The following CPSF1 variants were observed in gnomAD, a reference collection of about 807,000 sequenced individuals.
CPSF1 encodes the protein cleavage and polyadenylation specificity factor subunit 1.
CPSF1 carries 106 observed loss-of-function variants against 175.8 expected under a neutral mutation model. That is an observed-to-expected ratio of 0.60 (90% CI 0.52 to 0.71). The LOEUF (loss-of-function observed/expected upper bound fraction) is 0.71. Ranked by LOEUF, CPSF1 falls within the 30% of genes least tolerant of loss-of-function variation. The probability of loss-of-function intolerance (pLI) is 0.00; values close to 1 mark genes in which losing one functional copy is unlikely to be tolerated. For missense variants in CPSF1, 1,734 were observed against 2,022.9 expected, an observed-to-expected ratio of 0.86 and a Z score of 2.74; for synonymous variants, 1,024 against 858.3, an observed-to-expected ratio of 1.19 and a Z score of -3.37.
Position 144,399,998 on chromosome 8 carries a change from C to T in CPSF1, c.1025G>A (p.Gly342Asp). The T allele has an allele frequency of 6.2e-7, 1 of 1,612,040 alleles. No individual in the cohort carries two copies. Among genetic ancestry groups the T allele is most frequent in the Non-Finnish European group, 8.5e-7 (1 of 1,179,786 alleles). Residue 342 changes from glycine (G) to aspartate (D), a missense_variant, in exon 10 of 38, where the codon GGC (glycine) becomes GAC (aspartate). By Grantham distance (94) the Gly-to-Asp change is moderately conservative. Coordinates refer to ENST00000616140, the MANE Select transcript of CPSF1 (RefSeq NM_013291.3). The surrounding 1 kb of genome is among the most constrained non-coding windows in gnomAD (Gnocchi z 6.4). ...GGGCGGGGGAGGGGCTCACATCTCG[C>T]CGCCCTTGAGGGAGATGACCATCTT... ...YDKMVISLKGGEIYVLTLITD... is the reference protein window; with the variant it reads ...YDKMVISLKGDEIYVLTLITD...
chr8:144,400,582 T>C (rs1821140603), intron 7 of CPSF1, 89 bp from the exon 8 acceptor site: 2 of 1,604,082 alleles, frequency 1.2e-6, no homozygotes, highest in Non-Finnish European at 1.7e-6. Flanking sequence ...CCACACCCCA[T>C]AGGCCCCGCC....
rs782717952 is a variant in CPSF1, at chr8:144,395,050, C to G, written c.3273-27G>C. The G allele has an allele frequency of 1.9e-6, 3 of 1,603,660 alleles. No homozygotes were observed. The African/African-American group carries it at 4.0e-5, about 21-fold the overall frequency. ...TGTGGGGGCCAGGGGCCTCAGGATG[C>G]TGCCTGGAGGCCTTGGGCAGACCCC... On this transcript the variant is annotated intron_variant, in intron 29 of 37. Transcript: ENST00000616140.
chr8:144,395,885 C>G (rs1290070862), intron 26 of CPSF1: 3 of 468,330 alleles, frequency 6.4e-6, no homozygotes, highest in Non-Finnish European at 1.2e-5. Flanking sequence ...GGGCTGCCCT[C>G]TTTCATGGAC....
rs2116874977 is a variant in CPSF1, at chr8:144,400,406, G to T, written c.774C>A (p.Leu258=). 1.9e-6 allele frequency: 3 copies of T among 1,613,858 alleles called. No homozygotes were observed. The highest frequency in any genetic ancestry group is 2.5e-6 in the Non-Finnish European group (3 of 1,179,978). ...TQKVHPVIWS[L]TSLPFDCTQA... ...GGGTGCAGTCAAAGGGCAGGCTGGT[G>T]AGGGACCAGATGACGGGGTGCACCT... The change falls in exon 8 of 38, where the codon CTC becomes CTA. Residue 258 remains leucine, a synonymous_variant. Transcript: ENST00000616140.
At chr8:144,404,704 T>C (rs1554868503) in intron 2 of CPSF1, among the ~76,000 whole-genome samples, 1 of 150,998 alleles carries the variant, frequency 6.6e-6, no homozygotes, top group African/African-American at 2.4e-5. Flanking sequence ...AATGTGTACA[T>C]AGTCAAATGG....
chr8:144,403,355 A>C (rs1770082927), intron 2 of CPSF1, among the ~76,000 whole-genome samples: 2 of 152,032 alleles, frequency 1.3e-5, no homozygotes, highest in African/African-American at 4.8e-5. Context: ...CGGCCTCTCA[A>C]AGCGCTGGGA....
In CPSF1 at chr8:144,398,044, G is replaced by A. The variant is rs200825699; in HGVS notation, c.1983C>T (p.Ala661=). ...VADPYVVIMS[A]EGHVTMFLLK... ...GCAGGAACATGGTGACGTGGCCCTC[G>A]GCACTCATGATGACCACATAGGGGT... is the stretch of plus-strand genomic sequence containing the variant. Residue 661 remains alanine, a synonymous_variant, in exon 20 of 38, where the codon GCC becomes GCT. Coordinates refer to ENST00000616140, the MANE Select transcript of CPSF1 (RefSeq NM_013291.3). 5.0e-5 allele frequency: 80 copies of A among 1,612,310 alleles called. No homozygotes were observed. The highest frequency in any genetic ancestry group is 1.8e-4 in the Admixed American group (11 of 59,972).
At chr8:144,393,612 G>A (rs782508427) in intron 36 of CPSF1, 22 bp from the exon 37 acceptor site, 2 of 1,597,342 alleles carry the variant, frequency 1.3e-6, no homozygotes, top group East Asian at 2.3e-5. Flanking sequence ...AGGCACAGGT[G>A]TCAGGGCAGG....
At chr8:144,406,700 G>A (rs1284289341) in intron 2 of CPSF1, among the ~76,000 whole-genome samples, 1 of 152,118 alleles carries the variant, frequency 6.6e-6, no homozygotes, top group African/African-American at 2.4e-5. Context: ...GAGCACCTCG[G>A]CCAACCTACG....
rs2116884348 is a variant in CPSF1, at chr8:144,401,410, C to T, written c.306+20G>A. ...CTCCCACGCCTTGGCCAGGCCTACC[C>T]CACCAAGCCTACCACTCACCTTGGC... On this transcript the variant is annotated intron_variant, in intron 4 of 37. Coordinates refer to ENST00000616140, the MANE Select transcript of CPSF1 (RefSeq NM_013291.3). The T allele has an allele frequency of 6.2e-7, 1 of 1,613,780 alleles. No homozygotes were observed. Among genetic ancestry groups the T allele is most frequent in the Non-Finnish European group, 8.5e-7 (1 of 1,179,874 alleles).
chr8:144,396,060 T>G (rs1820701527), intron 26 of CPSF1: 2 of 484,436 alleles, frequency 4.1e-6, no homozygotes, highest in Non-Finnish European at 7.4e-6. Context: ...TCACGTCAGC[T>G]CTCCTGAGAA....
Position 144,398,138 on chromosome 8 carries a change from G to C in CPSF1, c.1895-6C>G. 1 of 1,589,938 alleles carries C rather than the reference G, an allele frequency of 6.3e-7. No homozygotes were observed. Among genetic ancestry groups the C allele is most frequent in the Non-Finnish European group, 8.6e-7 (1 of 1,165,574 alleles). On this transcript the variant is annotated splice_polypyrimidine_tract_variant and splice_region_variant and intron_variant, in intron 19 of 37. Coordinates refer to ENST00000616140, the MANE Select transcript of CPSF1 (RefSeq NM_013291.3). ...GATGAAGTGCAGCTGATTCACTGTA[G>C]GCATGGGGCAGTCAGCATGCGCCTC... is the stretch of plus-strand genomic sequence containing the variant.
Position 144,399,725 on chromosome 8 carries a change from G to C in CPSF1, c.1120-15C>G. Reference sequence around the variant, plus strand: ...ATGGTGACCATCTGAGGGAGGGCAGGTGTGTGATGGCTGGGCCGGGTCTGG... The same window carrying C: ...ATGGTGACCATCTGAGGGAGGGCAGCTGTGTGATGGCTGGGCCGGGTCTGG... On this transcript the variant is annotated splice_polypyrimidine_tract_variant and intron_variant, in intron 11 of 37. Coordinates refer to ENST00000616140, the MANE Select transcript of CPSF1 (RefSeq NM_013291.3). The surrounding 1 kb of genome is among the most constrained non-coding windows in gnomAD (Gnocchi z 6.4). 1 of 1,606,446 alleles carries C rather than the reference G, an allele frequency of 6.2e-7. No homozygotes were observed. The highest frequency in any genetic ancestry group is 2.2e-5 in the East Asian group (1 of 44,590).
intron 2 of CPSF1, among the ~76,000 whole-genome samples, chr8:144,403,462 C>T (rs1821331351): frequency 1.3e-5 from 2 of 152,276 alleles, no homozygotes; most frequent in Non-Finnish European, 2.9e-5. Flanking sequence ...TGTTTCACTG[C>T]AGCCTCGACC....
rs782462954 is a variant in CPSF1, at chr8:144,394,674, A to G, written c.3537T>C (p.Asn1179=). 5.6e-6 allele frequency: 9 copies of G among 1,611,194 alleles called. No individual in the cohort carries two copies. Among genetic ancestry groups the G allele is most frequent in the Middle Eastern group, 1.6e-4 (1 of 6,082 alleles). Residue 1179 remains asparagine (N), a synonymous_variant, in exon 31 of 38, where the codon AAT becomes AAC. Transcript: ENST00000616140. ...GGCCGATGGCCGACACCAGGTGGCC[A>G]TTGCAGTGGCACAGGGCGGTCACGG... ...KGPVTALCHC[N]GHLVSAIGQK...
chr8:144,396,181 G>T, intron 26 of CPSF1, 167 bp downstream of exon 26: 1 of 730,728 alleles, frequency 1.4e-6, no homozygotes, highest in African/African-American at 1.8e-5. Context: ...GACCTTTGGA[G>T]CAACCAAGTC....
intron 2 of CPSF1, among the ~76,000 whole-genome samples, chr8:144,403,396 T>C (rs1821327342): frequency 6.6e-6 from 1 of 151,702 alleles, no homozygotes; most frequent in Admixed American, 6.6e-5. Context: ...GCCAGGCCTT[T>C]GTTTTTTGAC....
intron 2 of CPSF1, among the ~76,000 whole-genome samples, chr8:144,402,592 A>G (rs1821280613): frequency 1.3e-5 from 2 of 152,226 alleles, no homozygotes; most frequent in Middle Eastern, 3.4e-3. Context: ...GGCGTGAGCC[A>G]CCTCAAGGTC....
At chr8:144,405,961 G>A (rs1821478814) in intron 2 of CPSF1, among the ~76,000 whole-genome samples, 1 of 152,146 alleles carries the variant, frequency 6.6e-6, no homozygotes, top group Admixed American at 6.5e-5. Context: ...TTGCCCTGGT[G>A]GAGGAGAGCC....
Sources: gnomAD v4.1 joint callset for allele counts (sites outside exome capture counted in the v4.1 genomes callset) on GRCh38, gnomAD v4.1.1 for gene constraint, Gnocchi (gnomAD v3.1) non-coding constraint, MANE v1.5 for transcripts, NCBI Gene and HGNC (gene_info 2026-07-23, HGNC 2026-07-21) for gene names.